Variants in ITGB1 observed in about 807,000 individuals in gnomAD.
The protein encoded by ITGB1 is integrin subunit beta 1.
A neutral mutation model predicts 86.5 loss-of-function variants in ITGB1; 24 were observed. That is an observed-to-expected ratio of 0.28 (90% CI 0.20 to 0.39). The LOEUF is 0.39. Among genes scored for constraint, ITGB1 ranks in the 10% least tolerant of loss-of-function variants. The probability of loss-of-function intolerance (pLI) is 1.00; values close to 1 mark genes in which losing one functional copy is unlikely to be tolerated. For missense variants in ITGB1, 556 were observed against 946.9 expected, an observed-to-expected ratio of 0.59 and a Z score of 5.42; for synonymous variants, 323 against 316.8, an observed-to-expected ratio of 1.02 and a Z score of -0.21.
chr10:32,928,455 T>A (rs2153871), intron 4 of ITGB1, among the ~76,000 whole-genome samples, 191 bp from the exon 5 acceptor site: 125,547 of 152,220 alleles, frequency 0.82, 52,522 homozygotes, highest in Non-Finnish European at 0.9. Context: ...ACAAATACTT[T>A]AAACACCAGG....
chr10:32,934,610 T>A (rs560683211), intron 2 of ITGB1, among the ~76,000 whole-genome samples: 1 of 152,374 alleles, frequency 6.6e-6, no homozygotes, highest in South Asian at 2.1e-4. Context: ...ATTTCATAAG[T>A]GTAAATTAGA....
chr10:32,921,951 T>C (rs575375874), intron 9 of ITGB1, among the ~76,000 whole-genome samples: 1 of 152,242 alleles, frequency 6.6e-6, no homozygotes, highest in South Asian at 2.1e-4. Context: ...ATCCTGTAAG[T>C]TTAAATGTAA....
At chr10:32,921,447 T>A (rs2094949677) in intron 9 of ITGB1, among the ~76,000 whole-genome samples, 1 of 152,190 alleles carries the variant, frequency 6.6e-6, no homozygotes. Flanking sequence ...TATGGTAGGC[T>A]GGCCTTTCCA....
rs766366220 is a variant in ITGB1 at position 32,912,498 on chromosome 10, C to T, written c.1470-374G>A. Among the ~76,000 whole-genome samples, 16 of 152,308 alleles carry T rather than the reference C, an allele frequency of 1.1e-4. No homozygotes were observed. The East Asian group carries it at 1.7e-3, about 17-fold the overall frequency. Reference sequence around the variant, plus strand: ...AACGGAACACCAGAAGATTATATCCCGCGCCTGGCTCAGAGGGTCCCATGC... The same window carrying T: ...AACGGAACACCAGAAGATTATATCCTGCGCCTGGCTCAGAGGGTCCCATGC... On this transcript the variant is annotated intron_variant, in intron 11 of 15. Coordinates refer to ENST00000302278, the MANE Select transcript of ITGB1 (RefSeq NM_002211.4).
At chr10:32,935,897 A>C in intron 1 of ITGB1, 1 of 178,472 alleles carries the variant, frequency 5.6e-6, no homozygotes. Context: ...AAACCTACCA[A>C]TGGTCTCAGC....
At chr10:32,931,564 A>G (rs919906791) in intron 3 of ITGB1, among the ~76,000 whole-genome samples, 6 of 152,128 alleles carry the variant, frequency 3.9e-5, no homozygotes, top group Admixed American at 2.6e-4. Context: ...ACAACACTCC[A>G]TATTTCCTCC....
chr10:32,950,712 A>G (rs1451726938), intron 1 of ITGB1, among the ~76,000 whole-genome samples: 1 of 152,168 alleles, frequency 6.6e-6, no homozygotes, highest in Non-Finnish European at 1.5e-5. Flanking sequence ...CAGAAGAAAA[A>G]TGGCTTTTTA....
At chr10:32,955,238 C>CA (rs2095050122) in intron 1 of ITGB1, among the ~76,000 whole-genome samples, 1 of 152,200 alleles carries the variant, frequency 6.6e-6, no homozygotes, top group Admixed American at 6.5e-5. Context: ...AAAACCAAGT[C>CA]AGAGTAAACA....
At chr10:32,907,059 G>A (rs201133811) in intron 15 of ITGB1, 5 of 1,342,176 alleles carry the variant, frequency 3.7e-6, no homozygotes, top group South Asian at 1.2e-5. Context: ...AACAAAATAC[G>A]AACGGCAATT....
At chr10:32,919,001 A>C (rs2094940545) in intron 11 of ITGB1, among the ~76,000 whole-genome samples, 1 of 152,224 alleles carries the variant, frequency 6.6e-6, no homozygotes, top group Admixed American at 6.5e-5. Context: ...TAAAGGAAAG[A>C]AAGGCAAAGT....
chr10:32,928,170 G>A lies in ITGB1; in HGVS notation c.471C>T (p.Asp157=), dbSNP rs35057436. The A allele has an allele frequency of 0.011, 15,902 of 1,498,382 alleles. 122 individuals are homozygous for A. The highest frequency in any genetic ancestry group is 0.034 in the Middle Eastern group (199 of 5,824). 92.8% of individuals were successfully genotyped at this position (1,498,382 alleles called of 1,614,324 possible). A position where few individuals can be genotyped will look rare whatever the true frequency, so the allele number is the denominator to read the frequency against. Residue 157 remains aspartate, a synonymous_variant, in exon 5 of 16, where the codon GAC becomes GAT. Coordinates refer to ENST00000302278, the MANE Select transcript of ITGB1 (RefSeq NM_002211.4). ...CAAGACTTTTTACATTCTCCAAATC[G>A]TCTTTCATTGAGTAAGACAGGTCCA... ...YLMDLSYSMK[D]DLENVKSLGT...
intron 1 of ITGB1, chr10:32,955,783 C>A (rs1162604153): frequency 1.3e-5 from 2 of 152,108 alleles, no homozygotes; most frequent in Non-Finnish European, 2.9e-5. Context: ...TTATACTGAC[C>A]AGAAAGCTGC....
At chr10:32,943,179 A>G (rs2095023028) in intron 1 of ITGB1, among the ~76,000 whole-genome samples, 1 of 152,196 alleles carries the variant, frequency 6.6e-6, no homozygotes, top group Non-Finnish European at 1.5e-5. Flanking sequence ...TAAATTTTCA[A>G]TTACTTTAAG....
chr10:32,922,192 T>G (rs1168812637), intron 9 of ITGB1, 65 bp downstream of exon 9: 1 of 1,043,060 alleles, frequency 9.6e-7, no homozygotes, highest in African/African-American at 1.7e-5. Context: ...AAGTTTTACT[T>G]TCTTTGTACA....
At chr10:32,942,496 G>C (rs2137252412) in intron 1 of ITGB1, among the ~76,000 whole-genome samples, 1 of 152,282 alleles carries the variant, frequency 6.6e-6, no homozygotes, top group South Asian at 2.1e-4. Flanking sequence ...TAGGCTCCAA[G>C]AAAATAGGGC....
intron 15 of ITGB1, among the ~76,000 whole-genome samples, chr10:32,906,049 T>C (rs7901200): frequency 0.13 from 20,439 of 151,940 alleles, 2,662 homozygotes; most frequent in African/African-American, 0.34. Flanking sequence ...CATTCTCACA[T>C]ACACACACAG....
intron 4 of ITGB1, 61 bp downstream of exon 4, chr10:32,929,760 TA>T: frequency 3.2e-6 from 3 of 933,592 alleles, no homozygotes; most frequent in Non-Finnish European, 5.3e-6. Context: ...AGAGTTTGCA[TA>T]AAGCTGGTGT....
chr10:32,907,728 G>A (rs2094900820), intron 15 of ITGB1, among the ~76,000 whole-genome samples: 1 of 151,792 alleles, frequency 6.6e-6, no homozygotes, highest in African/African-American at 2.4e-5. Flanking sequence ...ATATAGCAGG[G>A]GTGTCCAATC....
At chr10:32,931,874 T>C (rs973302135) in intron 3 of ITGB1, among the ~76,000 whole-genome samples, 4 of 152,168 alleles carry the variant, frequency 2.6e-5, no homozygotes, top group Admixed American at 2.0e-4. Context: ...CATTCATTCA[T>C]TGACTCACTG....
Sources: allele counts gnomAD v4.1 joint callset (sites outside exome capture counted in the v4.1 genomes callset), GRCh38; gene constraint gnomAD v4.1.1; transcripts MANE v1.5; gene names NCBI Gene and HGNC (gene_info 2026-07-23, HGNC 2026-07-21).